PLCL2: variants seen among roughly 807,000 people sequenced by gnomAD.
The protein encoded by PLCL2 is inactive phospholipase C-like protein 2.
Under a neutral mutation model 79.6 loss-of-function variants are expected in PLCL2, and 4 were observed. The observed-to-expected ratio is 0.05, with a 90% confidence interval of 0.02 to 0.11. The LOEUF (loss-of-function observed/expected upper bound fraction) is 0.11, where lower values mean the gene tolerates loss of function less well. Among genes scored for constraint, PLCL2 ranks in the 10% least tolerant of loss-of-function variants. The probability of loss-of-function intolerance (pLI) is 1.00; values close to 1 mark genes in which losing one functional copy is unlikely to be tolerated. For missense variants in PLCL2, 895 were observed against 1,291.0 expected (o/e 0.69, Z 4.70); for synonymous variants, 484 against 457.7 (o/e 1.06, Z -0.73).
At chr3:17,085,059 G>A (rs62248160) in intron 5 of PLCL2, among the ~76,000 whole-genome samples, 28,762 of 151,870 alleles carry the variant, frequency 0.19, 3,164 homozygotes, top group East Asian at 0.52. Context: ...AAATCTCCTC[G>A]AACAATATAA....
intron 1 of PLCL2, among the ~76,000 whole-genome samples, chr3:16,929,446 A>G (rs9821630): frequency 0.24 from 36,648 of 152,096 alleles, 5,342 homozygotes; most frequent in East Asian, 0.55. Flanking sequence ...GTTATCAGAC[A>G]CTCTGGGAGT....
intron 1 of PLCL2, among the ~76,000 whole-genome samples, chr3:16,942,520 C>T (rs1162502054): frequency 6.6e-6 from 1 of 152,192 alleles, no homozygotes; most frequent in Non-Finnish European, 1.5e-5. Flanking sequence ...CACCGAAGCA[C>T]ATGGCAGGAG....
chr3:16,912,458 T>C (rs1277659933), intron 1 of PLCL2, among the ~76,000 whole-genome samples: 1 of 152,214 alleles, frequency 6.6e-6, no homozygotes, highest in South Asian at 2.1e-4. Flanking sequence ...ATATTACTTG[T>C]TAGTGGTTTA....
rs537890938 is a variant in PLCL2, at chr3:16,955,268, A to G, written c.328-54406A>G. Among the ~76,000 whole-genome samples the G allele has an allele frequency of 2.0e-4, 31 of 152,310 alleles. No individual in the cohort carries two copies. The South Asian group carries it at 2.9e-3, about 14-fold the overall frequency. ...ATGGCTAGCCAGTTTTCCCAGCACC[A>G]TTTATTAAATAGGGAATCTTTCCTC... On this transcript the variant is annotated intron_variant, in intron 1 of 5. Transcript: ENST00000615277.
intron 4 of PLCL2, among the ~76,000 whole-genome samples, chr3:17,047,304 T>C (rs766449676): frequency 1.3e-5 from 2 of 152,248 alleles, no homozygotes; most frequent in Non-Finnish European, 2.9e-5. Context: ...AGAGCCCGCA[T>C]AGGACACCTG....
chr3:16,975,720 T>A (rs1362681673), intron 1 of PLCL2, among the ~76,000 whole-genome samples: 1 of 152,124 alleles, frequency 6.6e-6, no homozygotes, highest in Non-Finnish European at 1.5e-5. Context: ...GGAAGACTAG[T>A]TGGACAGAAG....
At chr3:16,970,999 C>T (rs1423254060) in intron 1 of PLCL2, among the ~76,000 whole-genome samples, 1 of 151,962 alleles carries the variant, frequency 6.6e-6, no homozygotes, top group Admixed American at 6.6e-5. Context: ...AAATTTTCTC[C>T]CATTCTGTAG....
chr3:17,027,041 G>T (rs1375366930), intron 3 of PLCL2, among the ~76,000 whole-genome samples: 1 of 152,032 alleles, frequency 6.6e-6, no homozygotes, highest in Non-Finnish European at 1.5e-5. Context: ...ATTGTTAAAC[G>T]TTAGAATTCT....
intron 3 of PLCL2, among the ~76,000 whole-genome samples, chr3:17,022,485 C>T (rs540322031): frequency 6.6e-6 from 1 of 151,718 alleles, no homozygotes; most frequent in Admixed American, 6.6e-5. Context: ...TGTCAAGGAC[C>T]CTTACAGGAA....
intron 5 of PLCL2, chr3:17,081,105 C>T (rs776520002): frequency 2.0e-5 from 9 of 451,708 alleles, no homozygotes; most frequent in Non-Finnish European, 4.0e-5. Flanking sequence ...ATAGCACTTC[C>T]CTTGCATCCC....
chr3:17,062,359 T>A lies in PLCL2; in HGVS notation c.3095-5597T>A, dbSNP rs1350851535. On this transcript the variant is annotated intron_variant, in intron 4 of 5. Coordinates refer to ENST00000615277, the MANE Select transcript of PLCL2 (RefSeq NM_001144382.2). ...CGAAATATATAGCACATAGCAATTG[T>A]GTCACACTTCCAAAGGACTGTTTAC... Among the ~76,000 whole-genome samples the A allele has an allele frequency of 2.6e-5, 4 of 152,250 alleles. No homozygotes were observed. In the South Asian group the frequency reaches 8.3e-4, roughly 31 times the overall value.
chr3:17,041,245 G>C (rs1410835308), intron 3 of PLCL2, among the ~76,000 whole-genome samples: 1 of 152,202 alleles, frequency 6.6e-6, no homozygotes, highest in Admixed American at 6.5e-5. Flanking sequence ...AAGAATGAAT[G>C]TGAAAATACT....
intron 4 of PLCL2, among the ~76,000 whole-genome samples, chr3:17,064,762 G>A (rs377092374): frequency 4.0e-5 from 6 of 151,616 alleles, no homozygotes; most frequent in African/African-American, 1.5e-4. Context: ...AACCCCATCT[G>A]TACTAAAAAT....
At chr3:16,938,450 G>C (rs1168539561) in intron 1 of PLCL2, among the ~76,000 whole-genome samples, 1 of 152,162 alleles carries the variant, frequency 6.6e-6, no homozygotes. Flanking sequence ...TTACCACGTT[G>C]TATCTGCGGT....
intron 1 of PLCL2, among the ~76,000 whole-genome samples, chr3:16,950,466 A>G (rs2063640167): frequency 2.0e-5 from 3 of 152,096 alleles, no homozygotes; most frequent in Admixed American, 1.3e-4. Flanking sequence ...ACATCCTTGT[A>G]GATCTACTGT....
intron 3 of PLCL2, among the ~76,000 whole-genome samples, chr3:17,025,813 C>G (rs1193495718): frequency 1.3e-5 from 2 of 152,116 alleles, no homozygotes; most frequent in African/African-American, 4.8e-5. Context: ...AGCTTTGAAG[C>G]TCATATTTTG....
chr3:17,021,383 T>TA (rs1310854488), intron 3 of PLCL2, among the ~76,000 whole-genome samples: 2 of 152,346 alleles, frequency 1.3e-5, no homozygotes, highest in African/African-American at 4.8e-5. Context: ...GTTTAAACGA[T>TA]ACAGTGTGCT....
At chr3:17,082,167 G>A (rs1326637338) in intron 5 of PLCL2, among the ~76,000 whole-genome samples, 1 of 100,740 alleles carries the variant, frequency 9.9e-6, no homozygotes, top group Non-Finnish European at 1.9e-5. Context: ...TTTTGAGACA[G>A]AGTTTTGTTC....
intron 1 of PLCL2, among the ~76,000 whole-genome samples, chr3:16,975,224 T>G (rs2063912408): frequency 6.6e-6 from 1 of 152,188 alleles, no homozygotes; most frequent in Non-Finnish European, 1.5e-5. Context: ...TACAGACTTG[T>G]CACGGGGTTT....
Sources: allele counts gnomAD v4.1 joint callset (sites outside exome capture counted in the v4.1 genomes callset), GRCh38; gene constraint gnomAD v4.1.1; transcripts MANE v1.5; gene names NCBI Gene and HGNC (gene_info 2026-07-23, HGNC 2026-07-21).